The following CDC40 variants were observed in gnomAD, a reference collection of about 807,000 sequenced individuals.
CDC40 encodes pre-mRNA-processing factor 17.
Under a neutral mutation model 80.6 loss-of-function variants are expected in CDC40, and 27 were observed. The observed-to-expected ratio is 0.33, with a 90% CI of 0.25 to 0.46. The LOEUF is 0.46. CDC40 is among the 20% of genes least tolerant of loss of function. CDC40 has a pLI of 1.00. For missense variants in CDC40, 486 were observed against 694.1 expected (o/e 0.70, Z 3.37); for synonymous variants, 221 against 232.6 (o/e 0.95, Z 0.45).
At chr6:110,209,013 A>C (rs998149274) in intron 4 of CDC40, 71 bp from the exon 5 acceptor site, 1 of 944,014 alleles carries the variant, frequency 1.1e-6, no homozygotes, top group Non-Finnish European at 1.6e-6. Flanking sequence ...ACATATGTTC[A>C]TATTTCTTTA....
At chr6:110,223,801 G>GGTTTTGTTTTGTTTT (rs59654476) in intron 12 of CDC40, among the ~76,000 whole-genome samples, 2,479 of 143,342 alleles carry the variant, frequency 0.017, 27 homozygotes, top group Middle Eastern at 0.029. Context: ...CAACTTGTAG[G>GGTTTTGTTTTGTTTT]GTTTTGTTTT....
intron 1 of CDC40, among the ~76,000 whole-genome samples, chr6:110,192,157 A>G (rs938368575): frequency 3.9e-5 from 6 of 152,166 alleles, no homozygotes; most frequent in Non-Finnish European, 8.8e-5. Context: ...TGAAAGAATC[A>G]TACTATCTCC....
chr6:110,206,288 A>G lies in CDC40; in HGVS notation c.407-1218A>G, dbSNP rs552074948. Among the ~76,000 whole-genome samples, 135 of 152,314 alleles carry G rather than the reference A, an allele frequency of 8.9e-4. 1 individual carries two copies. The Middle Eastern group carries it at 0.01, about 12-fold the overall frequency. On this transcript the variant is annotated intron_variant, in intron 3 of 14. Coordinates refer to ENST00000307731, the MANE Select transcript of CDC40 (RefSeq NM_015891.3). The stretch of plus-strand genomic sequence containing the variant: ...GAGTAGCTGGGACTACTTTGGATGA[A>G]AAATGAAAATAATAAGTCTATCCTC...
rs1448122479 is a variant in CDC40 at position 110,219,437 on chromosome 6, A to G, written c.1164A>G (p.Gln388=). The change falls in exon 11 of 15, where the codon CAA becomes CAG. Residue 388 remains glutamine (Q), a synonymous_variant. Coordinates refer to ENST00000307731, the MANE Select transcript of CDC40 (RefSeq NM_015891.3). ...AATTCAATCCTGATGAAGATAAGCAAAATCTCTTTGTGGCTGGGATGTCTG... is the reference window on the plus strand; with the variant it reads ...AATTCAATCCTGATGAAGATAAGCAGAATCTCTTTGTGGCTGGGATGTCTG... ...CVKFNPDEDK[Q]NLFVAGMSDK... 1 of 1,610,246 alleles carries G rather than the reference A, an allele frequency of 6.2e-7. No homozygotes were observed. The highest frequency in any genetic ancestry group is 1.1e-5 in the South Asian group (1 of 90,868).
intron 9 of CDC40, among the ~76,000 whole-genome samples, chr6:110,216,265 G>A (rs561971394): frequency 1.3e-5 from 2 of 152,330 alleles, no homozygotes; most frequent in African/African-American, 4.8e-5. Context: ...CAGATTTCAT[G>A]TGAAGGCTAG....
At chr6:110,220,626 T>C in intron 12 of CDC40, among the ~76,000 whole-genome samples, 2 of 151,976 alleles carry the variant, frequency 1.3e-5, no homozygotes, top group Non-Finnish European at 2.9e-5. Context: ...TTGTATTTTT[T>C]AGTAGAGATG....
Position 110,219,498 on chromosome 6 carries a change from T to C in CDC40, c.1206+19T>C. The C allele has an allele frequency of 7.3e-7, 1 of 1,378,200 alleles. No homozygotes were observed. The highest frequency in any genetic ancestry group is 1.0e-6 in the Non-Finnish European group (1 of 966,032). The allele number at this position is 1,378,200 out of a possible 1,614,324, so 85.4% of individuals were successfully genotyped here. On this transcript the variant is annotated intron_variant, in intron 11 of 14. Coordinates refer to ENST00000307731, the MANE Select transcript of CDC40 (RefSeq NM_015891.3). ...TGTGCAAGTAAGTCTTTCACAGTATTTTGTTAAGACTCCTAAGCTTTATGT... is the reference window on the plus strand; with the variant it reads ...TGTGCAAGTAAGTCTTTCACAGTATCTTGTTAAGACTCCTAAGCTTTATGT...
chr6:110,193,185 G>T lies in CDC40; in HGVS notation c.193G>T (p.Asp65Tyr). 6.3e-7 allele frequency: 1 copy of T among 1,583,630 alleles called. No individual in the cohort carries two copies. The highest frequency in any genetic ancestry group is 2.2e-5 in the East Asian group (1 of 44,708). ...ATTTATTTGGTATTCTTTTTAGGAA[G>T]ATTTGGAGACTGGAGTTCACCTTGA... ...DSAPEVAVKE[D>Y]LETGVHLDPA... The change falls in exon 2 of 15, where the codon GAT becomes TAT. Residue 65 changes from aspartate to tyrosine, a missense_variant. Around this residue, in one of 3 missense-constraint regions of CDC40, gnomAD observed 381 missense variants for 492.1 expected, o/e 0.77. Coordinates refer to ENST00000307731, the MANE Select transcript of CDC40 (RefSeq NM_015891.3).
intron 1 of CDC40, among the ~76,000 whole-genome samples, 186 bp downstream of exon 1, chr6:110,180,819 C>T (rs189132197): frequency 6.6e-6 from 1 of 152,290 alleles, no homozygotes; most frequent in African/African-American, 2.4e-5. Flanking sequence ...GAATAGCCCT[C>T]CGATGCTCTC....
chr6:110,193,369 C>T (rs1261643429), intron 2 of CDC40, 101 bp downstream of exon 2: 1 of 692,322 alleles, frequency 1.4e-6, no homozygotes, highest in East Asian at 2.7e-5. Flanking sequence ...ATCACATAAG[C>T]ATACTATTTA....
chr6:110,195,629 A>G (rs528756014), intron 2 of CDC40, among the ~76,000 whole-genome samples: 6 of 152,328 alleles, frequency 3.9e-5, no homozygotes, highest in Admixed American at 2.0e-4. Context: ...TCCTTCCGGC[A>G]CAGAGTAGGC....
At position 110,182,666 on chromosome 6, in the gene CDC40, A is replaced by G. The variant is rs545493950; in HGVS notation, c.189+2033A>G. ...ATCTTCCTTATTTCTCCCAGGAGTT[A>G]TTCTTTTCTTTCTCTTTCAGCCTTT... On this transcript the variant is annotated intron_variant, in intron 1 of 14. Coordinates refer to ENST00000307731, the MANE Select transcript of CDC40 (RefSeq NM_015891.3). Among the ~76,000 whole-genome samples, 3 of 152,186 alleles carry G rather than the reference A, an allele frequency of 2.0e-5. No homozygotes were observed. In the South Asian group the frequency reaches 6.2e-4, roughly 32 times the overall value.
chr6:110,204,671 T>TC (rs1304939836), intron 3 of CDC40, among the ~76,000 whole-genome samples: 137 of 149,442 alleles, frequency 9.2e-4, no homozygotes, highest in Non-Finnish European at 1.6e-3. Context: ...TTTTTTTTTT[T>TC]TTTTTTTTTG....
intron 2 of CDC40, among the ~76,000 whole-genome samples, chr6:110,198,665 T>G (rs1387765980): frequency 6.6e-6 from 1 of 152,254 alleles, no homozygotes; most frequent in East Asian, 1.9e-4. Context: ...TGTAAGGAGA[T>G]TGCAATTATA....
At chr6:110,209,051 GT>G (rs200116966) in intron 4 of CDC40, 32 bp from the exon 5 acceptor site, 438 of 1,166,044 alleles carry the variant, frequency 3.8e-4, no homozygotes, top group Non-Finnish European at 4.3e-4. Flanking sequence ...TAATCTCTCA[GT>G]TTTTTTTTTA....
intron 8 of CDC40, among the ~76,000 whole-genome samples, chr6:110,213,722 A>G (rs1198151319): frequency 6.6e-6 from 1 of 152,172 alleles, no homozygotes; most frequent in Non-Finnish European, 1.5e-5. Flanking sequence ...CATTTTTAGA[A>G]AGTAGAAAAT....
Position 110,215,269 on chromosome 6 carries a change from T to G in CDC40, c.943-17T>G. 6.2e-7 allele frequency: 1 copy of G among 1,602,294 alleles called. No homozygotes were observed. The highest frequency in any genetic ancestry group is 8.5e-7 in the Non-Finnish European group (1 of 1,169,612). On this transcript the variant is annotated splice_polypyrimidine_tract_variant and intron_variant, in intron 8 of 14. Transcript: ENST00000307731. ...TTAAATGTAATATTTCCATGTGTTG[T>G]TTTTTTTCTCCCCCAGCTATGGGAG...
intron 1 of CDC40, among the ~76,000 whole-genome samples, chr6:110,181,015 G>C (rs749042003): frequency 2.0e-5 from 3 of 152,196 alleles, no homozygotes; most frequent in Non-Finnish European, 2.9e-5. Flanking sequence ...TGAAGAACTA[G>C]GTTCTAATCC....
chr6:110,221,634 T>C (rs1376538994), intron 12 of CDC40, among the ~76,000 whole-genome samples: 1 of 152,204 alleles, frequency 6.6e-6, no homozygotes, highest in African/African-American at 2.4e-5. Flanking sequence ...TGCATATACA[T>C]GTTCTGTTTT....
Sources: gnomAD v4.1 joint callset for allele counts (sites outside exome capture counted in the v4.1 genomes callset) on GRCh38, gnomAD v4.1.1 for gene constraint, gnomAD v4.1.1 regional missense constraint, MANE v1.5 for transcripts, NCBI Gene and HGNC (gene_info 2026-07-23, HGNC 2026-07-21) for gene names.